Variants in ELMO1 observed in about 807,000 individuals in gnomAD.
ELMO1 encodes engulfment and cell motility protein 1.
In ELMO1, 26 loss-of-function variants were observed where a neutral mutation model predicts 98.9. That is an observed-to-expected ratio of 0.26 (90% CI 0.19 to 0.36). The LOEUF is 0.36. ELMO1 is among the 10% of genes least tolerant of loss of function. The pLI is 1.00. For synonymous variants in ELMO1, 346 were observed against 346.0 expected, an observed-to-expected ratio of 1.00 and a Z score of 0.00; for missense variants, 627 against 935.2, an observed-to-expected ratio of 0.67 and a Z score of 4.30.
chr7:37,335,918 T>C (rs1583575835), intron 2 of ELMO1, among the ~76,000 whole-genome samples: 1 of 152,214 alleles, frequency 6.6e-6, no homozygotes, highest in East Asian at 1.9e-4. Flanking sequence ...GTTCCTACAC[T>C]TGGGCCATAA....
At chr7:37,074,091 T>C (rs1352522932) in intron 15 of ELMO1, among the ~76,000 whole-genome samples, 1 of 148,198 alleles carries the variant, frequency 6.7e-6, no homozygotes, top group Non-Finnish European at 1.5e-5. Context: ...TATAAATATA[T>C]AGTATGCAAA....
At position 36,938,437 on chromosome 7, in the gene ELMO1, G is replaced by C. The variant is rs575726374; in HGVS notation, c.1438-43420C>G. On this transcript the variant is annotated intron_variant, in intron 16 of 21. Coordinates refer to ENST00000310758, the MANE Select transcript of ELMO1 (RefSeq NM_014800.11). ...GTCTTCAGAGCTTGTTCCACTTTAAGAAAACTGAAACTGGAAATCACAGAT... is the reference window on the plus strand; with the variant it reads ...GTCTTCAGAGCTTGTTCCACTTTAACAAAACTGAAACTGGAAATCACAGAT... Among the ~76,000 whole-genome samples, 3 of 152,278 alleles carry C rather than the reference G, an allele frequency of 2.0e-5. No individual in the cohort carries two copies. The East Asian group carries it at 5.8e-4, about 29-fold the overall frequency.
chr7:37,157,134 C>T (rs1006296879), intron 13 of ELMO1, among the ~76,000 whole-genome samples: 1 of 152,168 alleles, frequency 6.6e-6, no homozygotes, highest in Non-Finnish European at 1.5e-5. Context: ...GCTAAAAACT[C>T]TCAATAAAAT....
intron 2 of ELMO1, among the ~76,000 whole-genome samples, chr7:37,322,864 A>G (rs901904195): frequency 6.6e-6 from 1 of 152,200 alleles, no homozygotes; most frequent in African/African-American, 2.4e-5. Context: ...TAACTGCTTC[A>G]GTATGTTTCC....
chr7:36,936,582 C>G (rs749100686), intron 16 of ELMO1, among the ~76,000 whole-genome samples: 2 of 152,122 alleles, frequency 1.3e-5, no homozygotes, highest in Non-Finnish European at 2.9e-5. Flanking sequence ...CTCAGTCTTC[C>G]AAGGAGCTGG....
At chr7:37,263,759 G>T (rs967436224) in intron 5 of ELMO1, among the ~76,000 whole-genome samples, 2 of 152,180 alleles carry the variant, frequency 1.3e-5, no homozygotes, top group Admixed American at 6.5e-5. Context: ...GAAAGGAGAG[G>T]ACTGATGTGT....
chr7:37,305,628 G>A (rs540166987), intron 4 of ELMO1, among the ~76,000 whole-genome samples: 23 of 152,252 alleles, frequency 1.5e-4, no homozygotes, highest in Admixed American at 6.5e-4. Flanking sequence ...GTGTATGTGC[G>A]TCTTCTGGTA....
intron 16 of ELMO1, among the ~76,000 whole-genome samples, chr7:37,011,947 T>G (rs1403753353): frequency 6.6e-6 from 1 of 152,158 alleles, no homozygotes; most frequent in Non-Finnish European, 1.5e-5. Flanking sequence ...CTAAGGAAAT[T>G]AATGGGCTTC....
chr7:36,959,724 A>C (rs1412300783), intron 16 of ELMO1, among the ~76,000 whole-genome samples: 4 of 152,182 alleles, frequency 2.6e-5, no homozygotes. Context: ...TCTGTCACCC[A>C]GGCTGGAGTG....
At chr7:37,438,129 A>C (rs1805227446) in intron 1 of ELMO1, among the ~76,000 whole-genome samples, 1 of 152,086 alleles carries the variant, frequency 6.6e-6, no homozygotes, top group Non-Finnish European at 1.5e-5. Context: ...TTCCCTGCCA[A>C]CCCCACCTTT....
intron 1 of ELMO1, among the ~76,000 whole-genome samples, chr7:37,434,900 G>C (rs1487030684): frequency 6.6e-6 from 1 of 152,120 alleles, no homozygotes; most frequent in Non-Finnish European, 1.5e-5. Context: ...CCCTTCAACA[G>C]CCCTTAGCAG....
chr7:37,297,905 A>C (rs527828329), intron 4 of ELMO1, among the ~76,000 whole-genome samples: 18 of 152,360 alleles, frequency 1.2e-4, no homozygotes, highest in African/African-American at 4.1e-4. Flanking sequence ...TATTTTACAC[A>C]CTTGTAAAAC....
chr7:37,338,705 T>C (rs1365988850), intron 2 of ELMO1, among the ~76,000 whole-genome samples: 2 of 152,124 alleles, frequency 1.3e-5, no homozygotes, highest in African/African-American at 4.8e-5. Context: ...GAACAGTGCA[T>C]GCAGGAGCCT....
chr7:36,883,877 G>A (rs1267190902), intron 18 of ELMO1, among the ~76,000 whole-genome samples: 1 of 152,194 alleles, frequency 6.6e-6, no homozygotes, highest in Admixed American at 6.5e-5. Context: ...TCTCCTGCAG[G>A]AGTCCAGGGA....
intron 16 of ELMO1, among the ~76,000 whole-genome samples, chr7:36,981,204 T>G (rs1486004971): frequency 6.7e-6 from 1 of 149,492 alleles, no homozygotes; most frequent in Non-Finnish European, 1.5e-5. Context: ...TCTTAAACTT[T>G]TCCAAAGCTC....
chr7:36,997,104 C>G (rs1792272199), intron 16 of ELMO1, among the ~76,000 whole-genome samples: 9 of 152,112 alleles, frequency 5.9e-5, no homozygotes, highest in Admixed American at 5.9e-4. Context: ...AAAACAAACA[C>G]ATCGTCTACA....
intron 14 of ELMO1, among the ~76,000 whole-genome samples, chr7:37,098,210 G>A (rs1784462537): frequency 6.6e-6 from 1 of 152,136 alleles, no homozygotes; most frequent in Admixed American, 6.5e-5. Context: ...CTCTTCAGTG[G>A]CAGGGACAGG....
intron 16 of ELMO1, among the ~76,000 whole-genome samples, chr7:36,912,746 G>C (rs904296016): frequency 2.0e-5 from 3 of 152,134 alleles, no homozygotes; most frequent in Non-Finnish European, 4.4e-5. Flanking sequence ...TTCTTCAGCA[G>C]GTTATTTATC....
intron 16 of ELMO1, among the ~76,000 whole-genome samples, chr7:37,012,958 C>T (rs1474844589): frequency 6.6e-6 from 1 of 152,156 alleles, no homozygotes; most frequent in African/African-American, 2.4e-5. Flanking sequence ...CCTTCCCCGA[C>T]AGATCTTGCA....
Sources: allele counts gnomAD v4.1 joint callset (sites outside exome capture counted in the v4.1 genomes callset), GRCh38; gene constraint gnomAD v4.1.1; transcripts MANE v1.5; gene names NCBI Gene and HGNC (gene_info 2026-07-23, HGNC 2026-07-21).